Variants in CYTH4 observed in about 807,000 individuals in gnomAD.
CYTH4 encodes the protein cytohesin 4.
A neutral mutation model predicts 57.5 loss-of-function variants in CYTH4; 22 were observed. The observed-to-expected ratio is 0.38, with a 90% CI of 0.27 to 0.55. The LOEUF is 0.55. Ranked by LOEUF, CYTH4 falls within the 20% of genes least tolerant of loss-of-function variation. CYTH4 has a pLI of 0.74. For missense variants in CYTH4, 420 were observed against 535.6 expected, an observed-to-expected ratio of 0.78 and a Z score of 2.13; for synonymous variants, 186 against 206.5, an observed-to-expected ratio of 0.90 and a Z score of 0.85.
chr22:37,311,099 C>T lies in CYTH4; in HGVS notation c.885+35C>T, dbSNP rs55662193. The T allele has an allele frequency of 0.051, 81,644 of 1,607,802 alleles. 2,515 individuals carry two copies. The highest frequency in any genetic ancestry group is 0.06 in the Non-Finnish European group (70,462 of 1,174,562). On this transcript the variant is annotated intron_variant, in intron 10 of 12. Transcript: ENST00000248901. The surrounding 1 kb of genome is among the most constrained non-coding windows in gnomAD (Gnocchi z 4.4). ...GTTCTCCTGGGCCTTCCCCTGCCCC[C>T]GCCTCTCCCCGCACAACCCACTTCC...
At chr22:37,304,380 G>A (rs907942237) in intron 8 of CYTH4, 12 of 425,018 alleles carry the variant, frequency 2.8e-5, no homozygotes, top group African/African-American at 1.2e-4. Flanking sequence ...GTTTCCTATG[G>A]GCCACAGGGA....
rs1188417762 is a variant in CYTH4 at position 37,310,033 on chromosome 22, G to A, written c.808+710G>A. 4 of 468,744 alleles carry A rather than the reference G, an allele frequency of 8.5e-6. No homozygotes were observed. In the East Asian group the frequency reaches 2.1e-4, roughly 25 times the overall value. 29.0% of individuals were successfully genotyped at this position (468,744 alleles called of 1,614,324 possible). ...GCCGGGGACAGCGCCTCCAGGGCAG[G>A]TGAGGACAGATGCCTCATGTTGAAG... is the stretch of plus-strand genomic sequence containing the variant. On this transcript the variant is annotated intron_variant, in intron 9 of 12. Coordinates refer to ENST00000248901, the MANE Select transcript of CYTH4 (RefSeq NM_013385.5).
At chr22:37,294,748 C>T (rs1332581143) in intron 3 of CYTH4, 24 bp downstream of exon 3, 2 of 1,613,404 alleles carry the variant, frequency 1.2e-6, no homozygotes, top group Middle Eastern at 1.7e-4. Flanking sequence ...GTGGGGACCC[C>T]CAGAAACTGC....
rs1601714702 is a variant in CYTH4, at chr22:37,314,133, T to C, written c.*622T>C. On this transcript the variant is annotated 3_prime_UTR_variant, in exon 13 of 13. Transcript: ENST00000248901. ...TCCCAGCTCTGCCTCTGACTCGCTGTGTGCCCTCTGCCAAGTCATGCCCAT... is the reference window on the plus strand; with the variant it reads ...TCCCAGCTCTGCCTCTGACTCGCTGCGTGCCCTCTGCCAAGTCATGCCCAT... 1 of 377,736 alleles carries C rather than the reference T, an allele frequency of 2.6e-6. No homozygotes were observed. Among genetic ancestry groups the C allele is most frequent in the East Asian group, 3.8e-5 (1 of 26,478 alleles). 23.4% of individuals were successfully genotyped at this position (377,736 alleles called of 1,614,324 possible).
intron 3 of CYTH4, 110 bp downstream of exon 3, chr22:37,294,834 C>G (rs2145859372): frequency 2.3e-6 from 3 of 1,327,106 alleles, no homozygotes; most frequent in Middle Eastern, 3.7e-4. Flanking sequence ...CTGGTGAAAT[C>G]AGGGATTGGC....
At chr22:37,300,778 C>T in intron 6 of CYTH4, 129 bp from the exon 7 acceptor site, 1 of 739,778 alleles carries the variant, frequency 1.4e-6, no homozygotes, top group Non-Finnish European at 2.2e-6. Context: ...TCCCCGTCAG[C>T]CCAGATGACA....
At chr22:37,309,628 G>A (rs1929563378) in intron 9 of CYTH4, among the ~76,000 whole-genome samples, 1 of 152,220 alleles carries the variant, frequency 6.6e-6, no homozygotes, top group Non-Finnish European at 1.5e-5. Context: ...TCTCCCCAGC[G>A]GAATGGGGAG....
At position 37,311,775 on chromosome 22, in the gene CYTH4, T is replaced by A; in HGVS notation, c.958-245T>A. 4.6e-6 allele frequency: 3 copies of A among 658,674 alleles called. No individual in the cohort carries two copies. The highest frequency in any genetic ancestry group is 7.7e-6 in the Non-Finnish European group (3 of 389,956). The allele number at this position is 658,674 out of a possible 1,614,324, so 40.8% of individuals were successfully genotyped here. ...GCCCGACTGGCTGGATGGCCCCGAG[T>A]AAGCTCCACTCCATTCAGAACCTCA... On this transcript the variant is annotated intron_variant, in intron 11 of 12. Coordinates refer to ENST00000248901, the MANE Select transcript of CYTH4 (RefSeq NM_013385.5). The surrounding 1 kb of genome is among the most constrained non-coding windows in gnomAD (Gnocchi z 4.4).
Position 37,311,350 on chromosome 22 carries a change from T to C in CYTH4, c.886-106T>C. Reference sequence around the variant, plus strand: ...CCTATGACTGGACAGTCTCGGAAGATGAGCACGCTCCTCTTTGAGTTTGGG... The same window carrying C: ...CCTATGACTGGACAGTCTCGGAAGACGAGCACGCTCCTCTTTGAGTTTGGG... On this transcript the variant is annotated intron_variant, in intron 10 of 12. Transcript: ENST00000248901. This position sits in a 1 kb window ranked among gnomAD's most constrained non-coding sequence, Gnocchi z 4.4. The C allele has an allele frequency of 9.9e-7, 1 of 1,011,610 alleles. No homozygotes were observed. Among genetic ancestry groups the C allele is most frequent in the South Asian group, 1.3e-5 (1 of 75,202 alleles). 62.7% of individuals were successfully genotyped at this position (1,011,610 alleles called of 1,614,324 possible). A position where few individuals can be genotyped will look rare whatever the true frequency, so the allele number is the denominator to read the frequency against.
intron 1 of CYTH4, among the ~76,000 whole-genome samples, chr22:37,288,841 T>C (rs1928647396): frequency 6.6e-6 from 1 of 152,236 alleles, no homozygotes; most frequent in Admixed American, 6.5e-5. Flanking sequence ...GGCCAGCACC[T>C]TCCGATGAAA....
Position 37,311,606 on chromosome 22 carries a change from G to A in CYTH4, c.957+79G>A, listed in dbSNP as rs540353161. On this transcript the variant is annotated intron_variant, in intron 11 of 12. Coordinates refer to ENST00000248901, the MANE Select transcript of CYTH4 (RefSeq NM_013385.5). This position sits in a 1 kb window ranked among gnomAD's most constrained non-coding sequence, Gnocchi z 4.4. ...AACAGAACGTGGGGAGAGGGCCTGA[G>A]GCTGGGCTCTCCAGGAAGCCAGGCT... The A allele has an allele frequency of 2.1e-6, 3 of 1,430,410 alleles. No individual in the cohort carries two copies. Among genetic ancestry groups the A allele is most frequent in the Non-Finnish European group, 2.9e-6 (3 of 1,019,224 alleles). The allele number at this position is 1,430,410 out of a possible 1,614,324, so 88.6% of individuals were successfully genotyped here.
intron 5 of CYTH4, 132 bp from the exon 6 acceptor site, chr22:37,299,094 A>G: frequency 1.5e-6 from 1 of 688,380 alleles, no homozygotes; most frequent in Non-Finnish European, 2.7e-6. Flanking sequence ...ATGTGAACAC[A>G]CCAGATGGCA....
At chr22:37,309,959 C>G in intron 9 of CYTH4, 1 of 464,276 alleles carries the variant, frequency 2.2e-6, no homozygotes, top group Non-Finnish European at 4.5e-6. Flanking sequence ...GCCGTCTGCC[C>G]CTGCCTCCCA....
chr22:37,292,706 G>A lies in CYTH4; in HGVS notation c.102+3G>A. On this transcript the variant is annotated splice_donor_region_variant and intron_variant, in intron 2 of 12. Transcript: ENST00000248901. ...AGCAGCTCCTGGAGGACATCCAGGT[G>A]AGTGCACACTCGTGTCCACACACGT... 1 of 1,613,312 alleles carries A rather than the reference G, an allele frequency of 6.2e-7. No homozygotes were observed. Among genetic ancestry groups the A allele is most frequent in the Non-Finnish European group, 8.5e-7 (1 of 1,179,834 alleles).
At position 37,311,534 on chromosome 22, in the gene CYTH4, G is replaced by T. The variant is rs778688898; in HGVS notation, c.957+7G>T. The T allele has an allele frequency of 1.1e-5, 17 of 1,613,788 alleles. No homozygotes were observed. Among genetic ancestry groups the T allele is most frequent in the Middle Eastern group, 3.3e-4 (2 of 6,062 alleles). Reference sequence around the variant, plus strand: ...GGATGACCCCAAGAAGCCAGTAGGTGTTCAGGTTGCAGGATCCCGAGGCTG... The same window carrying T: ...GGATGACCCCAAGAAGCCAGTAGGTTTTCAGGTTGCAGGATCCCGAGGCTG... On this transcript the variant is annotated splice_region_variant and intron_variant, in intron 11 of 12. Coordinates refer to ENST00000248901, the MANE Select transcript of CYTH4 (RefSeq NM_013385.5). This position sits in a 1 kb window ranked among gnomAD's most constrained non-coding sequence, Gnocchi z 4.4.
At chr22:37,304,412 C>G (rs1196740408) in intron 8 of CYTH4, 5 of 373,782 alleles carry the variant, frequency 1.3e-5, no homozygotes, top group Non-Finnish European at 2.7e-5. Context: ...TTCATAAGAA[C>G]AGGAAGGAGA....
intron 12 of CYTH4, among the ~76,000 whole-genome samples, chr22:37,312,728 A>AGGGAGGGGTGGCT (rs1250341871): frequency 6.6e-6 from 1 of 152,198 alleles, no homozygotes; most frequent in Non-Finnish European, 1.5e-5. Context: ...ACTCATAAAT[A>AGGGAGGGGTGGCT]GGGAGGGGTG....
intron 1 of CYTH4, among the ~76,000 whole-genome samples, chr22:37,291,924 C>G (rs1928759154): frequency 6.6e-6 from 1 of 152,218 alleles, no homozygotes; most frequent in Admixed American, 6.5e-5. Context: ...AGGTCCCATC[C>G]TGGCTCAGTG....
Position 37,311,720 on chromosome 22 carries a change from G to A in CYTH4, c.957+193G>A. ...TGAGAAAAGGTCAATGTGGGTCCAAGGACGTGGTTGTCCCCTGTTGTCCCA... is the reference window on the plus strand; with the variant it reads ...TGAGAAAAGGTCAATGTGGGTCCAAAGACGTGGTTGTCCCCTGTTGTCCCA... On this transcript the variant is annotated intron_variant, in intron 11 of 12. Transcript: ENST00000248901. This position sits in a 1 kb window ranked among gnomAD's most constrained non-coding sequence, Gnocchi z 4.4. 1 of 671,170 alleles carries A rather than the reference G, an allele frequency of 1.5e-6. No homozygotes were observed. Among genetic ancestry groups the A allele is most frequent in the African/African-American group, 1.8e-5 (1 of 55,120 alleles). 41.6% of individuals were successfully genotyped at this position (671,170 alleles called of 1,614,324 possible).
Sources: allele counts gnomAD v4.1 joint callset (sites outside exome capture counted in the v4.1 genomes callset), GRCh38; gene constraint gnomAD v4.1.1; non-coding constraint Gnocchi (gnomAD v3.1); transcripts MANE v1.5; gene names NCBI Gene and HGNC (gene_info 2026-07-23, HGNC 2026-07-21).